Variants in CLIC5 observed in about 807,000 individuals in gnomAD.
CLIC5 encodes chloride intracellular channel protein 5.
CLIC5 carries 20 observed loss-of-function variants against 24.7 expected under a neutral mutation model. The ratio of observed to expected loss-of-function variants is 0.81; its 90% CI spans 0.57 to 1.18. The LOEUF (loss-of-function observed/expected upper bound fraction) is 1.18, where lower values mean the gene tolerates loss of function less well. CLIC5 is among the 50% of genes most tolerant of loss of function. CLIC5 has a pLI of 0.00. For missense variants in CLIC5, 341 were observed against 326.1 expected (o/e 1.05, Z -0.35); for synonymous variants, 159 against 135.6 (o/e 1.17, Z -1.20).
chr6:46,008,792 T>C (rs928607391), intron 1 of CLIC5, among the ~76,000 whole-genome samples: 7 of 152,188 alleles, frequency 4.6e-5, no homozygotes, highest in African/African-American at 1.4e-4. Context: ...TCTGGTTTAT[T>C]TGAGGTCAAT....
chr6:45,992,121 C>T (rs1249373333), intron 1 of CLIC5, among the ~76,000 whole-genome samples: 1 of 152,198 alleles, frequency 6.6e-6, no homozygotes, highest in Non-Finnish European at 1.5e-5. Flanking sequence ...CACTCTCAGG[C>T]CATTCTAACC....
chr6:46,077,726 G>T (rs573632653), intron 1 of CLIC5, among the ~76,000 whole-genome samples: 6 of 152,212 alleles, frequency 3.9e-5, no homozygotes, highest in Admixed American at 2.0e-4. Flanking sequence ...TGGCCTTTCA[G>T]TTCACACAAT....
intron 2 of CLIC5, among the ~76,000 whole-genome samples, chr6:45,954,581 T>G (rs1036843383): frequency 6.6e-6 from 1 of 152,168 alleles, no homozygotes; most frequent in Non-Finnish European, 1.5e-5. Flanking sequence ...ACAGAATACA[T>G]TCTGTAGGAG....
At chr6:46,118,228 A>T in the CLIC5 span, among the ~76,000 whole-genome samples, 1 of 152,114 alleles carries the variant, frequency 6.6e-6, no homozygotes, top group East Asian at 1.9e-4. Context: ...TTGTTATCTT[A>T]TCATGTTATA....
the CLIC5 span, among the ~76,000 whole-genome samples, chr6:46,121,765 G>A: frequency 1.3e-5 from 2 of 152,032 alleles, no homozygotes; most frequent in East Asian, 3.9e-4. Context: ...AACAAAAAAA[G>A]GCAGGGGTTG....
At chr6:45,982,297 C>T (rs1211248596) in intron 1 of CLIC5, among the ~76,000 whole-genome samples, 2 of 152,052 alleles carry the variant, frequency 1.3e-5, no homozygotes, top group African/African-American at 4.8e-5. Flanking sequence ...GACTCAGTGT[C>T]CTCATGAATC....
intron 5 of CLIC5, among the ~76,000 whole-genome samples, chr6:45,908,737 T>C (rs944915577): frequency 6.6e-6 from 1 of 152,206 alleles, no homozygotes; most frequent in South Asian, 2.1e-4. Context: ...ATGAAAGGAA[T>C]GTATATTCTA....
chr6:46,109,513 T>TAA, the CLIC5 span, among the ~76,000 whole-genome samples: 53 of 47,184 alleles, frequency 1.1e-3, 4 homozygotes, highest in African/African-American at 4.4e-3. Flanking sequence ...CAGTCTCCAC[T>TAA]AAAAAAAAAA....
chr6:45,888,234 T>C (rs1172882687), intron 6 of CLIC5, among the ~76,000 whole-genome samples: 2 of 152,182 alleles, frequency 1.3e-5, no homozygotes, highest in Non-Finnish European at 2.9e-5. Context: ...TGGGGTACTA[T>C]AAACCAAGGC....
At chr6:46,123,157 G>A in the CLIC5 span, 1 of 152,192 alleles carries the variant, frequency 6.6e-6, no homozygotes, top group African/African-American at 2.4e-5. Context: ...CAATATCCCT[G>A]ATGAATATCA....
intron 1 of CLIC5, among the ~76,000 whole-genome samples, chr6:46,043,502 C>A (rs1186830883): frequency 6.6e-6 from 1 of 152,154 alleles, no homozygotes; most frequent in Non-Finnish European, 1.5e-5. Flanking sequence ...TATAACAGGT[C>A]AACTTATTTT....
chr6:45,997,231 A>G (rs1766178911), intron 1 of CLIC5, among the ~76,000 whole-genome samples: 1 of 151,006 alleles, frequency 6.6e-6, no homozygotes, highest in Admixed American at 6.6e-5. Flanking sequence ...GGAAATCATC[A>G]TTCTCAGTAA....
chr6:45,957,671 G>C (rs1764690839), intron 1 of CLIC5, among the ~76,000 whole-genome samples: 1 of 152,128 alleles, frequency 6.6e-6, no homozygotes, highest in Non-Finnish European at 1.5e-5. Flanking sequence ...CTATGATTCT[G>C]GGTTTAGTAA....
chr6:45,962,063 TAC>T (rs74732121), intron 1 of CLIC5, among the ~76,000 whole-genome samples: 64,777 of 145,264 alleles, frequency 0.45, 14,992 homozygotes, highest in Non-Finnish European at 0.52. Context: ...TATATGTACA[TAC>T]ACACACACAC....
upstream of CLIC5, among the ~76,000 whole-genome samples, chr6:46,020,704 A>G (rs1258730541): frequency 6.6e-6 from 1 of 152,084 alleles, no homozygotes; most frequent in African/African-American, 2.4e-5. Flanking sequence ...AAAACTAGAG[A>G]GAGAAGATAT....
chr6:46,114,639 A>C, the CLIC5 span, among the ~76,000 whole-genome samples: 1 of 151,994 alleles, frequency 6.6e-6, no homozygotes, highest in Non-Finnish European at 1.5e-5. Flanking sequence ...CCTTTTTTCA[A>C]GGGGTCCTCC....
intron 1 of CLIC5, among the ~76,000 whole-genome samples, chr6:46,046,549 G>C (rs1316471938): frequency 6.6e-6 from 1 of 152,206 alleles, no homozygotes; most frequent in Non-Finnish European, 1.5e-5. Context: ...GGTCAATTCA[G>C]TGTGGTCACT....
chr6:45,903,056 T>C lies in CLIC5; in HGVS notation c.*32A>G, dbSNP rs1244542605. ...AGTCTTAGGGGAGTGGTTGAGTCCT[T>C]CTGCAGCGGGGATGGGGCAAAATGG... On this transcript the variant is annotated 3_prime_UTR_variant, in exon 6 of 6. Transcript: ENST00000339561. The C allele has an allele frequency of 3.1e-6, 5 of 1,613,114 alleles. No homozygotes were observed. The highest frequency in any genetic ancestry group is 1.1e-5 in the South Asian group (1 of 90,950).
rs1198625218 is a variant in CLIC5 at position 45,901,757 on chromosome 6, A to C, written c.*1331T>G. 6.7e-6 allele frequency: 1 copy of C among 149,628 alleles called. No homozygotes were observed. Among genetic ancestry groups the C allele is most frequent in the Non-Finnish European group, 1.5e-5 (1 of 67,886 alleles). 9.3% of individuals were successfully genotyped at this position (149,628 alleles called of 1,614,324 possible). ...GACAAAAGAGTGAAATATTAGCTTA[A>C]AAATTTTTCCTTTTTTTTTTCACCT... is the stretch of plus-strand genomic sequence containing the variant. On this transcript the variant is annotated 3_prime_UTR_variant, in exon 6 of 6. Coordinates refer to ENST00000339561, the MANE Select transcript of CLIC5 (RefSeq NM_016929.5).
Sources: allele counts gnomAD v4.1 joint callset (sites outside exome capture counted in the v4.1 genomes callset), GRCh38; gene constraint gnomAD v4.1.1; transcripts MANE v1.5; gene names NCBI Gene and HGNC (gene_info 2026-07-23, HGNC 2026-07-21).